NR3C2: variants seen among roughly 807,000 people sequenced by gnomAD.
NR3C2 encodes mineralocorticoid receptor.
A neutral mutation model predicts 86.4 loss-of-function variants in NR3C2; 15 were observed. The observed-to-expected ratio is 0.17, with a 90% CI of 0.12 to 0.27. The LOEUF (loss-of-function observed/expected upper bound fraction) is 0.27. Ranked by LOEUF, NR3C2 falls within the 10% of genes least tolerant of loss-of-function variation. The pLI, the probability that NR3C2 is intolerant of heterozygous loss-of-function variation, is 1.00. For missense variants in NR3C2, 960 were observed against 1,195.6 expected (o/e 0.80, Z 2.91); for synonymous variants, 458 against 450.5 (o/e 1.02, Z -0.21).
intron 2 of NR3C2, among the ~76,000 whole-genome samples, chr4:148,296,545 G>A (rs1296854282): frequency 6.6e-6 from 1 of 151,292 alleles, no homozygotes; most frequent in Admixed American, 6.6e-5. Context: ...ATGATTCGCT[G>A]TCTTTGTAAC....
intron 2 of NR3C2, among the ~76,000 whole-genome samples, chr4:148,340,611 C>A (rs375694510): frequency 6.6e-6 from 1 of 151,962 alleles, no homozygotes; most frequent in Non-Finnish European, 1.5e-5. Context: ...AATGAACAGG[C>A]AACAAAAGTA....
At chr4:148,096,892 C>T (rs1560919404) in intron 8 of NR3C2, among the ~76,000 whole-genome samples, 1 of 152,150 alleles carries the variant, frequency 6.6e-6, no homozygotes, top group Non-Finnish European at 1.5e-5. Context: ...TACAGAAGTT[C>T]GCTGACCCAT....
intron 8 of NR3C2, among the ~76,000 whole-genome samples, chr4:148,100,639 A>G (rs1025079700): frequency 6.6e-6 from 1 of 152,238 alleles, no homozygotes; most frequent in Non-Finnish European, 1.5e-5. Flanking sequence ...AAAATGGTGT[A>G]TCTGCTGTGG....
chr4:148,114,189 T>C lies in NR3C2; in HGVS notation c.2714A>G (p.Lys905Arg). The C allele has an allele frequency of 6.2e-7, 1 of 1,614,000 alleles. No homozygotes were observed. Among genetic ancestry groups the C allele is most frequent in the East Asian group, 2.2e-5 (1 of 44,876 alleles). ...ATTGTTGGGACACTTAGTTACCATC[T>C]TCCTCAGTTCTTTGATGTAATTTGT... ...MRTNYIKELR[K>R]MVTKCPNNSG... The change falls in exon 8 of 9, where the codon AAG becomes AGG. Residue 905 changes from lysine to arginine, a missense_variant. Around this residue, in one of 4 missense-constraint regions of NR3C2, gnomAD observed 151 missense variants for 296.3 expected, o/e 0.51. Coordinates refer to ENST00000358102, the MANE Select transcript of NR3C2 (RefSeq NM_000901.5).
At chr4:148,372,437 G>A (rs757610769) in intron 2 of NR3C2, among the ~76,000 whole-genome samples, 5 of 151,666 alleles carry the variant, frequency 3.3e-5, no homozygotes, top group Non-Finnish European at 7.4e-5. Context: ...TGATATGACC[G>A]GCAATCTCAG....
At chr4:148,221,995 T>C (rs1420297058) in intron 3 of NR3C2, among the ~76,000 whole-genome samples, 1 of 152,006 alleles carries the variant, frequency 6.6e-6, no homozygotes, top group Non-Finnish European at 1.5e-5. Context: ...TGTCTGTGTA[T>C]GTATGTGTGT....
chr4:148,215,143 C>T (rs1435209819), intron 3 of NR3C2, among the ~76,000 whole-genome samples: 1 of 152,200 alleles, frequency 6.6e-6, no homozygotes, highest in African/African-American at 2.4e-5. Flanking sequence ...GGATAAATAA[C>T]ACAAAGTCTG....
At chr4:148,206,820 G>A (rs985771511) in intron 3 of NR3C2, among the ~76,000 whole-genome samples, 4 of 152,176 alleles carry the variant, frequency 2.6e-5, no homozygotes, top group South Asian at 2.1e-4. Context: ...ATGGAAATAT[G>A]ACAGCATGAG....
intron 3 of NR3C2, among the ~76,000 whole-genome samples, chr4:148,259,118 T>C (rs1036396086): frequency 2.0e-5 from 3 of 152,234 alleles, no homozygotes; most frequent in Non-Finnish European, 4.4e-5. Flanking sequence ...ATGTTTAAGC[T>C]TCTGAAGCAC....
At chr4:148,322,571 C>T (rs1387697080) in intron 2 of NR3C2, among the ~76,000 whole-genome samples, 3 of 72,280 alleles carry the variant, frequency 4.2e-5, no homozygotes, top group African/African-American at 6.9e-5. Flanking sequence ...GGAGGCTTTG[C>T]TCATTTCTTT....
intron 4 of NR3C2, among the ~76,000 whole-genome samples, chr4:148,187,017 T>TGTG (rs1206930368): frequency 2.4e-5 from 2 of 84,756 alleles, no homozygotes; most frequent in African/African-American, 7.9e-5. Context: ...TATATATATA[T>TGTG]ATATATATAT....
intron 4 of NR3C2, among the ~76,000 whole-genome samples, chr4:148,159,168 A>G (rs1360555835): frequency 6.6e-6 from 1 of 152,186 alleles, no homozygotes; most frequent in Non-Finnish European, 1.5e-5. Context: ...CTATAACATC[A>G]TATCACTTCC....
intron 4 of NR3C2, among the ~76,000 whole-genome samples, chr4:148,161,703 T>C (rs773449343): frequency 7.9e-5 from 12 of 152,206 alleles, no homozygotes; most frequent in Non-Finnish European, 1.3e-4. Context: ...AATTGTTATA[T>C]GTTTATTACT....
intron 2 of NR3C2, among the ~76,000 whole-genome samples, chr4:148,419,104 T>C (rs1176783977): frequency 6.6e-6 from 1 of 151,972 alleles, no homozygotes; most frequent in Non-Finnish European, 1.5e-5. Flanking sequence ...CCTTTTTTTT[T>C]TTCTTTTTGT....
At chr4:148,106,929 C>T (rs1347263878) in intron 8 of NR3C2, among the ~76,000 whole-genome samples, 1 of 152,158 alleles carries the variant, frequency 6.6e-6, no homozygotes, top group Non-Finnish European at 1.5e-5. Context: ...CTAGGCAATA[C>T]CTTGCAGGAC....
chr4:148,267,286 A>T (rs7377312), intron 2 of NR3C2, among the ~76,000 whole-genome samples: 5 of 139,044 alleles, frequency 3.6e-5, no homozygotes, highest in South Asian at 2.4e-4. Flanking sequence ...TTTTTTTTTA[A>T]TTTTTTTTTT....
At chr4:148,444,224 G>A (rs1245973638), upstream of NR3C2, 5 of 955,280 alleles carry the variant, frequency 5.2e-6, no homozygotes, top group African/African-American at 9.6e-5. Context: ...AGGAATGGAC[G>A]TGTCTCTTTT....
In NR3C2 at chr4:148,204,227, G is replaced by A. The variant is rs1161651331; in HGVS notation, c.1898-9365C>T. Among the ~76,000 whole-genome samples the A allele has an allele frequency of 6.6e-5, 10 of 152,100 alleles. No individual in the cohort carries two copies. The East Asian group carries it at 1.3e-3, about 20-fold the overall frequency. On this transcript the variant is annotated intron_variant, in intron 3 of 8. Transcript: ENST00000358102. ...CCTTGAGAAACACTTATTATGGTGC[G>A]CAGTAAGAAAAAGCAAGTAAGTTAC...
intron 2 of NR3C2, among the ~76,000 whole-genome samples, chr4:148,401,489 A>G (rs1748161210): frequency 7.7e-6 from 1 of 130,048 alleles, no homozygotes; most frequent in Non-Finnish European, 1.6e-5. Context: ...TTTGAGACAG[A>G]GTCTTGCTCT....
Sources: gnomAD v4.1 joint callset for allele counts (sites outside exome capture counted in the v4.1 genomes callset) on GRCh38, gnomAD v4.1.1 for gene constraint, gnomAD v4.1.1 regional missense constraint, MANE v1.5 for transcripts, NCBI Gene and HGNC (gene_info 2026-07-23, HGNC 2026-07-21) for gene names.